COL23A1: variants seen among roughly 807,000 people sequenced by gnomAD.
The protein encoded by COL23A1 is collagen type XXIII alpha 1 chain, also known as collagen alpha-1(XXIII) chain.
Under a neutral mutation model 99.3 loss-of-function variants are expected in COL23A1, and 97 were observed. The observed-to-expected ratio is 0.98, with a 90% confidence interval of 0.83 to 1.16. The LOEUF is 1.16. COL23A1 is among the 50% of genes most tolerant of loss of function. The pLI is 0.00. For missense variants in COL23A1, 762 were observed against 757.4 expected (o/e 1.01, Z -0.07); for synonymous variants, 320 against 308.2 (o/e 1.04, Z -0.40).
intron 2 of COL23A1, among the ~76,000 whole-genome samples, chr5:178,475,622 G>A (rs1756986608): frequency 6.6e-6 from 1 of 152,190 alleles, no homozygotes; most frequent in Non-Finnish European, 1.5e-5. Flanking sequence ...ATAACAAATT[G>A]CCATAAACTC....
intron 2 of COL23A1, among the ~76,000 whole-genome samples, chr5:178,483,786 A>G (rs1757461518): frequency 6.6e-6 from 1 of 152,240 alleles, no homozygotes; most frequent in South Asian, 2.1e-4. Context: ...AAGCACGTGG[A>G]GCCCGTGCAG....
chr5:178,438,122 T>C (rs1308923292), intron 2 of COL23A1, among the ~76,000 whole-genome samples: 1 of 152,260 alleles, frequency 6.6e-6, no homozygotes, highest in East Asian at 1.9e-4. Context: ...GATCCTCTGC[T>C]GTGGTCCAAA....
intron 2 of COL23A1, among the ~76,000 whole-genome samples, chr5:178,351,476 C>G (rs1581203750): frequency 6.6e-6 from 1 of 152,186 alleles, no homozygotes; most frequent in East Asian, 1.9e-4. Context: ...AAACAGCCAG[C>G]AGAGAAATGA....
chr5:178,366,647 C>T lies in COL23A1; in HGVS notation c.362-59728G>A, dbSNP rs1762495650. On this transcript the variant is annotated intron_variant, in intron 2 of 28. Transcript: ENST00000390654. The surrounding 1 kb of genome is among the most constrained non-coding windows in gnomAD (Gnocchi z 4.4). ...TCTATGTGAGCCCCCAACCCACTCT[C>T]CAGCTACCCCTAGAACCAAAACAGC... Among the ~76,000 whole-genome samples the T allele has an allele frequency of 6.6e-6, 1 of 152,188 alleles. No individual in the cohort carries two copies. The highest frequency in any genetic ancestry group is 1.5e-5 in the Non-Finnish European group (1 of 68,032).
intron 1 of COL23A1, among the ~76,000 whole-genome samples, chr5:178,568,239 G>A (rs1762928507): frequency 6.6e-6 from 1 of 152,174 alleles, no homozygotes; most frequent in African/African-American, 2.4e-5. Context: ...GTCATAGATT[G>A]GAAGAGACTA....
At chr5:178,540,047 A>G (rs1761204522) in intron 2 of COL23A1, among the ~76,000 whole-genome samples, 1 of 152,244 alleles carries the variant, frequency 6.6e-6, no homozygotes, top group Admixed American at 6.5e-5. Flanking sequence ...ACACTATTTG[A>G]CAAACTGTAA....
Position 178,340,989 on chromosome 5 carries a change from C to G in COL23A1, c.362-34070G>C, listed in dbSNP as rs1025398694. ...ACCATACCCACCAGCTCTATTTCCC[C>G]CATTATGAAGATGGAGGAACTGAGT... On this transcript the variant is annotated intron_variant, in intron 2 of 28. Coordinates refer to ENST00000390654, the MANE Select transcript of COL23A1 (RefSeq NM_173465.4). The surrounding 1 kb of genome is among the most constrained non-coding windows in gnomAD (Gnocchi z 4.7). 1.3e-5 allele frequency among the ~76,000 whole-genome samples: 2 copies of G among 152,186 alleles called. No homozygotes were observed. The highest frequency in any genetic ancestry group is 4.8e-5 in the African/African-American group (2 of 41,434).
Position 178,238,396 on chromosome 5 carries a change from C to T in COL23A1, c.*302G>A. 1 of 443,806 alleles carries T rather than the reference C, an allele frequency of 2.3e-6. No homozygotes were observed. 27.5% of individuals were successfully genotyped at this position (443,806 alleles called of 1,614,324 possible). ...GAGAGTCTCTCTGCTGATCAGGTGA[C>T]TGAAGGCCCAACGTAGCATCTTTCT... On this transcript the variant is annotated 3_prime_UTR_variant, in exon 29 of 29. Coordinates refer to ENST00000390654, the MANE Select transcript of COL23A1 (RefSeq NM_173465.4).
intron 2 of COL23A1, among the ~76,000 whole-genome samples, chr5:178,488,571 G>A (rs1322778508): frequency 2.0e-5 from 3 of 151,898 alleles, no homozygotes; most frequent in Non-Finnish European, 4.4e-5. Flanking sequence ...TTGAAGTCTT[G>A]CACCAATTTT....
intron 2 of COL23A1, among the ~76,000 whole-genome samples, chr5:178,397,384 C>A (rs550815504): frequency 5.1e-4 from 78 of 152,276 alleles, no homozygotes; most frequent in Admixed American, 2.1e-3. Flanking sequence ...ACAGCTGCAA[C>A]GGATCAGACA....
chr5:178,265,788 C>A (rs776982761), intron 8 of COL23A1: 10 of 853,986 alleles, frequency 1.2e-5, no homozygotes, highest in Admixed American at 1.2e-4. Context: ...AACTACAAGG[C>A]TTTTTGAAAC....
At chr5:178,286,404 G>A (rs944728537) in intron 5 of COL23A1, among the ~76,000 whole-genome samples, 44 of 152,262 alleles carry the variant, frequency 2.9e-4, no homozygotes, top group African/African-American at 1.1e-3. Context: ...TCCCAGCCCC[G>A]ACAGTCACAG....
Position 178,306,333 on chromosome 5 carries a change from G to C in COL23A1, c.406+542C>G, listed in dbSNP as rs1485285299. 2.0e-5 allele frequency among the ~76,000 whole-genome samples: 3 copies of C among 147,158 alleles called. No homozygotes were observed. Among genetic ancestry groups the C allele is most frequent in the Non-Finnish European group, 4.5e-5 (3 of 66,074 alleles). Reference sequence around the variant, plus strand: ...GGGCTTAGGGAAGTCCCTGGGCGAAGGGGGCAATCTGCTGGGGACTGGGTA... The same window carrying C: ...GGGCTTAGGGAAGTCCCTGGGCGAACGGGGCAATCTGCTGGGGACTGGGTA... On this transcript the variant is annotated intron_variant, in intron 3 of 28. Transcript: ENST00000390654. This position sits in a 1 kb window ranked among gnomAD's most constrained non-coding sequence, Gnocchi z 4.1.
At chr5:178,349,500 ATCCCCCAT>A (rs1561885861) in intron 2 of COL23A1, among the ~76,000 whole-genome samples, 2 of 13,888 alleles carry the variant, frequency 1.4e-4, no homozygotes, top group Admixed American at 8.5e-4. Flanking sequence ...AGGCGGGCCC[ATCCCCCAT>A]GCCCCACACC....
intron 2 of COL23A1, among the ~76,000 whole-genome samples, chr5:178,513,940 C>T (rs57437088): frequency 0.06 from 9,052 of 152,104 alleles, 311 homozygotes; most frequent in Middle Eastern, 0.12. Flanking sequence ...TATAATTGTC[C>T]GGGTCAATGG....
At chr5:178,547,633 C>CACCCA (rs1761705482) in intron 2 of COL23A1, among the ~76,000 whole-genome samples, 1 of 4,146 alleles carries the variant, frequency 2.4e-4, no homozygotes, top group South Asian at 7.5e-3. Context: ...CCCACCCACA[C>CACCCA]CCCCCCACAC....
intron 2 of COL23A1, among the ~76,000 whole-genome samples, chr5:178,357,938 GTATGTGTGTGTATGTATA>G (rs1761804702): frequency 6.8e-6 from 1 of 148,098 alleles, no homozygotes; most frequent in Admixed American, 6.8e-5. Context: ...GTATGTGTAT[GTATGTGTGTGTATGTATA>G]TGTGTGTATG....
At chr5:178,333,686 G>A (rs1478940256) in intron 2 of COL23A1, among the ~76,000 whole-genome samples, 2 of 152,126 alleles carry the variant, frequency 1.3e-5, no homozygotes, top group African/African-American at 2.4e-5. Context: ...CAGGGCCTCT[G>A]CCCCCAGGCC....
intron 2 of COL23A1, among the ~76,000 whole-genome samples, chr5:178,390,155 G>A (rs1046008952): frequency 6.6e-6 from 1 of 152,142 alleles, no homozygotes; most frequent in African/African-American, 2.4e-5. Flanking sequence ...TGAACCCCAT[G>A]GACATTCTCA....
Sources: gnomAD v4.1 joint callset for allele counts (sites outside exome capture counted in the v4.1 genomes callset) on GRCh38, gnomAD v4.1.1 for gene constraint, Gnocchi (gnomAD v3.1) non-coding constraint, MANE v1.5 for transcripts, NCBI Gene and HGNC (gene_info 2026-07-23, HGNC 2026-07-21) for gene names.